Variants in PPP2R2B observed in about 807,000 individuals in gnomAD.
PPP2R2B encodes protein phosphatase 2 regulatory subunit Bbeta.
A neutral mutation model predicts 46.0 loss-of-function variants in PPP2R2B; 5 were observed. That is an observed-to-expected ratio of 0.11 (90% CI 0.06 to 0.23). The LOEUF (loss-of-function observed/expected upper bound fraction) is 0.23. Among genes scored for constraint, PPP2R2B ranks in the 10% least tolerant of loss-of-function variants. The pLI is 1.00. For missense variants in PPP2R2B, 367 were observed against 575.0 expected, an observed-to-expected ratio of 0.64 and a Z score of 3.70; for synonymous variants, 215 against 206.7, an observed-to-expected ratio of 1.04 and a Z score of -0.34.
chr5:146,692,099 TTCTA>T (rs1778891289), intron 4 of PPP2R2B, among the ~76,000 whole-genome samples: 1 of 152,320 alleles, frequency 6.6e-6, no homozygotes, highest in South Asian at 2.1e-4. Context: ...AAGGCAGGGA[TTCTA>T]TCTATCTTGT....
chr5:146,670,601 T>C (rs1193638718), intron 5 of PPP2R2B, among the ~76,000 whole-genome samples: 1 of 152,016 alleles, frequency 6.6e-6, no homozygotes, highest in Admixed American at 6.6e-5. Context: ...GTTCAAACAA[T>C]TCTCTTGTTT....
At chr5:146,881,301 C>G (rs6580443), upstream of PPP2R2B, among the ~76,000 whole-genome samples, 38,250 of 151,986 alleles carry the variant, frequency 0.25, 4,910 homozygotes, top group East Asian at 0.35. Context: ...TGTTTTCTGC[C>G]TCCACATTTT....
chr5:147,002,791 C>T (rs573849185), intron 1 of PPP2R2B, among the ~76,000 whole-genome samples: 1 of 152,090 alleles, frequency 6.6e-6, no homozygotes, highest in African/African-American at 2.4e-5. Flanking sequence ...AAGCACAACT[C>T]TTCTGATCAG....
intron 5 of PPP2R2B, among the ~76,000 whole-genome samples, chr5:146,686,850 T>C (rs1423144257): frequency 6.6e-6 from 1 of 152,148 alleles, no homozygotes; most frequent in African/African-American, 2.4e-5. Context: ...ACTTTAACGA[T>C]GAGCTCCCAT....
chr5:147,024,260 A>C (rs1240306220), intron 1 of PPP2R2B, among the ~76,000 whole-genome samples: 4 of 152,140 alleles, frequency 2.6e-5, no homozygotes, highest in Non-Finnish European at 5.9e-5. Context: ...GGGTCAGTAC[A>C]TCAGAAAGAC....
rs374360164 is a variant in PPP2R2B at position 146,660,694 on chromosome 5, T to C, written c.448-9970A>G. Among the ~76,000 whole-genome samples the C allele has an allele frequency of 1.2e-4, 19 of 152,216 alleles. 2 individuals are homozygous for C. The East Asian group carries it at 2.3e-3, about 19-fold the overall frequency. The stretch of plus-strand genomic sequence containing the variant: ...CAGCCTCAATATGTCCCTAATTTCT[T>C]CTTTTACTGGCTTTGTCATACAGAT... On this transcript the variant is annotated intron_variant, in intron 5 of 9. Coordinates refer to ENST00000394411, the MANE Select transcript of PPP2R2B (RefSeq NM_181675.4).
intron 2 of PPP2R2B, among the ~76,000 whole-genome samples, chr5:146,816,495 C>A (rs905969038): frequency 6.6e-5 from 10 of 152,060 alleles, no homozygotes; most frequent in Non-Finnish European, 1.5e-4. Flanking sequence ...AGTTTATGCG[C>A]CTATTAAACA....
At chr5:146,711,890 A>G (rs1486018359) in intron 2 of PPP2R2B, among the ~76,000 whole-genome samples, 1 of 151,948 alleles carries the variant, frequency 6.6e-6, no homozygotes, top group Non-Finnish European at 1.5e-5. Context: ...TTTTTTTCCT[A>G]GAGGGAAGCA....
chr5:146,752,732 G>T (rs1753630896), intron 2 of PPP2R2B, among the ~76,000 whole-genome samples: 1 of 151,820 alleles, frequency 6.6e-6, no homozygotes, highest in Non-Finnish European at 1.5e-5. Flanking sequence ...TCTGTGGCAG[G>T]CACTGTGCCA....
chr5:146,906,299 C>A (rs1039076358), intron 1 of PPP2R2B, among the ~76,000 whole-genome samples: 2 of 137,728 alleles, frequency 1.5e-5, no homozygotes, highest in Admixed American at 7.5e-5. Context: ...CTTCTTGTAC[C>A]ATTTTCCATT....
At chr5:146,692,527 ATTTTTTT>A (rs34156552) in intron 4 of PPP2R2B, among the ~76,000 whole-genome samples, 38 of 111,064 alleles carry the variant, frequency 3.4e-4, no homozygotes, top group Admixed American at 1.5e-3. Context: ...TTTTAATTCA[ATTTTTTT>A]TTTTTTTTTT....
intron 4 of PPP2R2B, among the ~76,000 whole-genome samples, chr5:146,695,985 G>T (rs1561839596): frequency 6.6e-6 from 1 of 151,950 alleles, no homozygotes; most frequent in Non-Finnish European, 1.5e-5. Flanking sequence ...TAATATCCTT[G>T]TTAATCAAAA....
At chr5:146,957,921 T>A (rs1751989099) in intron 1 of PPP2R2B, among the ~76,000 whole-genome samples, 1 of 152,110 alleles carries the variant, frequency 6.6e-6, no homozygotes, top group Non-Finnish European at 1.5e-5. Context: ...AATACTATAA[T>A]TACAGCCTAT....
At chr5:146,749,302 C>T (rs368087475) in intron 2 of PPP2R2B, among the ~76,000 whole-genome samples, 8 of 152,088 alleles carry the variant, frequency 5.3e-5, no homozygotes, top group South Asian at 2.1e-4. Flanking sequence ...AGTCTTTGTC[C>T]GACATGTGGT....
intron 2 of PPP2R2B, among the ~76,000 whole-genome samples, chr5:146,769,908 A>T (rs996445518): frequency 6.6e-6 from 1 of 152,210 alleles, no homozygotes; most frequent in Non-Finnish European, 1.5e-5. Flanking sequence ...TCTTTGACCT[A>T]GTTATTCTAG....
intron 6 of PPP2R2B, among the ~76,000 whole-genome samples, chr5:146,647,864 T>C (rs1329904260): frequency 2.0e-5 from 3 of 152,160 alleles, no homozygotes; most frequent in Non-Finnish European, 4.4e-5. Flanking sequence ...CCAGGCAAAA[T>C]CTGTAGGCAG....
chr5:146,673,905 T>C (rs899068319), intron 5 of PPP2R2B, among the ~76,000 whole-genome samples: 2 of 152,242 alleles, frequency 1.3e-5, no homozygotes, highest in Non-Finnish European at 2.9e-5. Flanking sequence ...TTTCCCATTC[T>C]CAGGGGAATT....
In PPP2R2B at chr5:146,887,368, A is replaced by C. The variant is rs1050543247; in HGVS notation, c.79+168297T>G. Among the ~76,000 whole-genome samples the C allele has an allele frequency of 2.6e-5, 4 of 152,266 alleles. No homozygotes were observed. In the East Asian group the frequency reaches 7.7e-4, roughly 29 times the overall value. The stretch of plus-strand genomic sequence containing the variant: ...AAAAAGAGTTTTAATGTGTTCTTTA[A>C]GAAATAAATTTTTACCTACTAGAAA... On this transcript the variant is annotated intron_variant, in intron 1 of 8. Transcript: ENST00000336640.
intron 2 of PPP2R2B, among the ~76,000 whole-genome samples, chr5:146,717,736 C>T (rs994950099): frequency 2.6e-5 from 4 of 152,102 alleles, no homozygotes; most frequent in South Asian, 2.1e-4. Context: ...CGCAAACTAT[C>T]CCCTGACCTC....
Sources: gnomAD v4.1 joint callset for allele counts (sites outside exome capture counted in the v4.1 genomes callset) on GRCh38, gnomAD v4.1.1 for gene constraint, MANE v1.5 for transcripts, NCBI Gene and HGNC (gene_info 2026-07-23, HGNC 2026-07-21) for gene names.